The following SAMD4A variants were observed in gnomAD, a reference collection of about 807,000 sequenced individuals.
SAMD4A encodes the protein sterile alpha motif domain containing 4A.
SAMD4A carries 33 observed loss-of-function variants against 81.3 expected under a neutral mutation model. The ratio of observed to expected loss-of-function variants is 0.41; its 90% CI spans 0.31 to 0.54. The LOEUF (loss-of-function observed/expected upper bound fraction) is 0.54, where lower values mean the gene tolerates loss of function less well. Among genes scored for constraint, SAMD4A ranks in the 20% least tolerant of loss-of-function variants. The probability of loss-of-function intolerance (pLI) is 0.37; values close to 1 mark genes in which losing one functional copy is unlikely to be tolerated. For missense variants in SAMD4A, 854 were observed against 951.1 expected (o/e 0.90, Z 1.34); for synonymous variants, 389 against 382.1 (o/e 1.02, Z -0.21).
At chr14:54,656,471 A>G (rs1361557576) in intron 2 of SAMD4A, among the ~76,000 whole-genome samples, 1 of 152,136 alleles carries the variant, frequency 6.6e-6, no homozygotes, top group Non-Finnish European at 1.5e-5. Context: ...TGACTTATTT[A>G]GTAGTGGCAA....
chr14:54,630,482 T>C (rs191938326), intron 2 of SAMD4A, among the ~76,000 whole-genome samples: 154 of 152,388 alleles, frequency 1.0e-3, no homozygotes, highest in Admixed American at 2.2e-3. Context: ...GTATATCTTC[T>C]TTGGAGAAAT....
At chr14:54,711,544 T>C (rs1025544633) in intron 3 of SAMD4A, among the ~76,000 whole-genome samples, 1 of 152,172 alleles carries the variant, frequency 6.6e-6, no homozygotes, top group Non-Finnish European at 1.5e-5. Context: ...GATGGGTACA[T>C]GAGACGTCTC....
intron 2 of SAMD4A, among the ~76,000 whole-genome samples, chr14:54,573,243 A>G (rs561088323): frequency 3.3e-4 from 50 of 152,340 alleles, no homozygotes; most frequent in Middle Eastern, 3.4e-3. Flanking sequence ...GTTTGGTTGT[A>G]TCGCCTGGGC....
intron 2 of SAMD4A, among the ~76,000 whole-genome samples, chr14:54,662,621 AC>A (rs2035668986): frequency 6.6e-6 from 1 of 151,358 alleles, no homozygotes; most frequent in South Asian, 2.1e-4. Flanking sequence ...CACCATGTTG[AC>A]CAAGCTGTTC....
chr14:54,717,356 C>T (rs1049483793), intron 3 of SAMD4A, among the ~76,000 whole-genome samples: 4 of 151,144 alleles, frequency 2.6e-5, no homozygotes, highest in African/African-American at 9.7e-5. Context: ...GCAGAAGGAT[C>T]GCTTGAGCCC....
At chr14:54,655,594 C>T (rs567811582) in intron 2 of SAMD4A, among the ~76,000 whole-genome samples, 9 of 151,836 alleles carry the variant, frequency 5.9e-5, no homozygotes, top group South Asian at 4.2e-4. Flanking sequence ...AAAAATTAGC[C>T]GGGCATGGTG....
chr14:54,712,718 G>A (rs1217997119), intron 3 of SAMD4A, among the ~76,000 whole-genome samples: 1 of 152,144 alleles, frequency 6.6e-6, no homozygotes, highest in African/African-American at 2.4e-5. Context: ...AGATCCCTCT[G>A]CCTGGAAAAA....
chr14:54,696,021 C>T (rs1220917976), intron 2 of SAMD4A, among the ~76,000 whole-genome samples: 1 of 151,438 alleles, frequency 6.6e-6, no homozygotes, highest in African/African-American at 2.4e-5. Context: ...TCCTTTGTAC[C>T]TTTTCAAAAC....
chr14:54,764,220 T>G (rs1023638942), intron 7 of SAMD4A, among the ~76,000 whole-genome samples: 2 of 152,242 alleles, frequency 1.3e-5, no homozygotes, highest in African/African-American at 4.8e-5. Context: ...AGGCTTCATA[T>G]AGAATGGCAT....
intron 2 of SAMD4A, among the ~76,000 whole-genome samples, chr14:54,579,350 GA>G (rs1350413673): frequency 6.6e-6 from 1 of 152,240 alleles, no homozygotes; most frequent in African/African-American, 2.4e-5. Flanking sequence ...TCCAGATGAG[GA>G]AACTTAGGTT....
Position 54,729,462 on chromosome 14 carries a change from T to A in SAMD4A, c.716-7562T>A, listed in dbSNP as rs1566607763. On this transcript the variant is annotated intron_variant, in intron 3 of 12. Coordinates refer to ENST00000554335, the MANE Select transcript of SAMD4A (RefSeq NM_015589.6). ...CATTTTTACAGATACGTGGGAACAT[T>A]AAAAAAGAAATATCGGCTTAAATTC... is the stretch of plus-strand genomic sequence containing the variant. Among the ~76,000 whole-genome samples the A allele has an allele frequency of 4.6e-5, 7 of 152,272 alleles. No individual in the cohort carries two copies. In the East Asian group the frequency reaches 7.7e-4, roughly 17 times the overall value.
chr14:54,565,720 G>GAA (rs1424910238), upstream of SAMD4A, among the ~76,000 whole-genome samples: 185 of 152,218 alleles, frequency 1.2e-3, no homozygotes, highest in Admixed American at 7.9e-3. The surrounding 1 kb of genome is among the most constrained non-coding windows in gnomAD (Gnocchi z 5.4). Context: ...CACCGCCCCC[G>GAA]CCCGAGCGCC....
At chr14:54,757,220 T>C (rs1317701125) in intron 6 of SAMD4A, among the ~76,000 whole-genome samples, 5 of 152,206 alleles carry the variant, frequency 3.3e-5, no homozygotes, top group Non-Finnish European at 5.9e-5. Flanking sequence ...ATGCTACTGA[T>C]GCCAGCTTGA....
intron 2 of SAMD4A, among the ~76,000 whole-genome samples, chr14:54,660,451 A>G (rs2035615433): frequency 1.3e-5 from 2 of 152,200 alleles, no homozygotes; most frequent in Admixed American, 1.3e-4. Context: ...GCAAAGAGAA[A>G]GTTTCCCCTA....
At chr14:54,651,478 T>G (rs1274372471) in intron 2 of SAMD4A, among the ~76,000 whole-genome samples, 2 of 152,184 alleles carry the variant, frequency 1.3e-5, no homozygotes, top group Middle Eastern at 3.2e-3. Flanking sequence ...ACAGATTTGC[T>G]TCATGGGAGG....
At chr14:54,595,746 A>C (rs1566538474) in intron 2 of SAMD4A, among the ~76,000 whole-genome samples, 1 of 152,202 alleles carries the variant, frequency 6.6e-6, no homozygotes, top group Non-Finnish European at 1.5e-5. Flanking sequence ...ATTGTGAAAA[A>C]TTATTAACAT....
chr14:54,736,408 G>C (rs4901537), intron 3 of SAMD4A, among the ~76,000 whole-genome samples: 125,205 of 152,166 alleles, frequency 0.82, 51,994 homozygotes, highest in African/African-American at 0.94. Flanking sequence ...TCACCGACAG[G>C]TAGCTGCAGT....
At chr14:54,613,135 A>AG (rs2034403234) in intron 2 of SAMD4A, among the ~76,000 whole-genome samples, 2 of 104,100 alleles carry the variant, frequency 1.9e-5, no homozygotes, top group African/African-American at 4.0e-5. Context: ...AGAGAGAGAG[A>AG]GAAAGGAAGG....
intron 6 of SAMD4A, among the ~76,000 whole-genome samples, chr14:54,756,208 C>T (rs1460144461): frequency 2.0e-5 from 3 of 152,176 alleles, no homozygotes; most frequent in Admixed American, 6.5e-5. Flanking sequence ...TTGGCCCTTA[C>T]AGCAAACTTC....
Sources: allele counts gnomAD v4.1 joint callset (sites outside exome capture counted in the v4.1 genomes callset), GRCh38; gene constraint gnomAD v4.1.1; non-coding constraint Gnocchi (gnomAD v3.1); transcripts MANE v1.5; gene names NCBI Gene and HGNC (gene_info 2026-07-23, HGNC 2026-07-21).